Variants in B4GALT2 observed in about 807,000 individuals in gnomAD.
The protein encoded by B4GALT2 is N-acetyllactosamine synthase.
B4GALT2 carries 18 observed loss-of-function variants against 33.2 expected under a neutral mutation model. The ratio of observed to expected loss-of-function variants is 0.54; its 90% CI spans 0.38 to 0.80. The LOEUF (loss-of-function observed/expected upper bound fraction) is 0.80, where lower values mean the gene tolerates loss of function less well. B4GALT2 is among the 30% of genes least tolerant of loss of function. The probability of loss-of-function intolerance (pLI) is 0.00; values close to 1 mark genes in which losing one functional copy is unlikely to be tolerated. For missense variants in B4GALT2, 404 were observed against 526.2 expected, an observed-to-expected ratio of 0.77 and a Z score of 2.27; for synonymous variants, 214 against 217.6, an observed-to-expected ratio of 0.98 and a Z score of 0.15.
intron 6 of B4GALT2, among the ~76,000 whole-genome samples, chr1:43,987,669 T>TA (rs1358765798): frequency 6.6e-6 from 1 of 152,222 alleles, no homozygotes; most frequent in Non-Finnish European, 1.5e-5. Flanking sequence ...TTTCCCTGTT[T>TA]ATGGCTTGGC....
At chr1:43,986,008 G>A (rs2085655426) in intron 6 of B4GALT2, 1 of 266,398 alleles carries the variant, frequency 3.8e-6, no homozygotes, top group Non-Finnish European at 7.4e-6. Flanking sequence ...CGAGCTAATG[G>A]GTGCTGGGCA....
rs76827959 is a variant in B4GALT2, at chr1:43,989,062, A to T, written c.969-1236A>T. Reference sequence around the variant, plus strand: ...GTGGTGTTAACTTAAAAATCACTAGATCAGCTGGATGAGGTGGCTCATGCC... The same window carrying T: ...GTGGTGTTAACTTAAAAATCACTAGTTCAGCTGGATGAGGTGGCTCATGCC... On this transcript the variant is annotated intron_variant, in intron 6 of 6. Coordinates refer to ENST00000372324, the MANE Select transcript of B4GALT2 (RefSeq NM_003780.5). 8.6e-3 allele frequency among the ~76,000 whole-genome samples: 1,315 copies of T among 152,162 alleles called. 19 individuals carry two copies. The highest frequency in any genetic ancestry group is 0.03 in the African/African-American group (1,261 of 41,518).
chr1:43,983,702 G>A (rs2085625743), intron 3 of B4GALT2, among the ~76,000 whole-genome samples: 1 of 152,230 alleles, frequency 6.6e-6, no homozygotes, highest in Admixed American at 6.5e-5. Flanking sequence ...TCAGTTGGGA[G>A]AGGATTGAGC....
intron 3 of B4GALT2, among the ~76,000 whole-genome samples, chr1:43,983,315 C>T (rs1189190206): frequency 6.6e-6 from 1 of 152,134 alleles, no homozygotes; most frequent in Non-Finnish European, 1.5e-5. Flanking sequence ...GCCAGCACTT[C>T]AGGGATGGAG....
At chr1:43,989,986 C>G (rs1038611927) in intron 6 of B4GALT2, among the ~76,000 whole-genome samples, 1 of 152,200 alleles carries the variant, frequency 6.6e-6, no homozygotes, top group African/African-American at 2.4e-5. Context: ...AAGACTTAAC[C>G]CTTGCCTGGC....
chr1:43,987,478 C>T (rs181443579), intron 6 of B4GALT2, among the ~76,000 whole-genome samples: 1 of 152,232 alleles, frequency 6.6e-6, no homozygotes, highest in Non-Finnish European at 1.5e-5. Flanking sequence ...GTTGCTGTTG[C>T]CTAAAATCTG....
rs776479895 is a variant in B4GALT2 at position 43,981,180 on chromosome 1, G to T, written c.20G>T (p.Gly7Val). 2 of 1,600,186 alleles carry T rather than the reference G, an allele frequency of 1.2e-6. No homozygotes were observed. The highest frequency in any genetic ancestry group is 2.2e-5 in the East Asian group (1 of 44,870). Residue 7 changes from glycine (G) to valine (V), a missense_variant, in exon 2 of 7, where the codon GGG becomes GTG. By Grantham distance (109) the Gly-to-Val change is moderately radical. Transcript: ENST00000372324. The surrounding 1 kb of genome is among the most constrained non-coding windows in gnomAD (Gnocchi z 8.1). MSRLLG[G>V]TLERVCKAVL... ...TGCGGGATGAGCAGACTGCTGGGGG[G>T]GACGCTGGAGCGCGTCTGCAAGGCT...
rs1026970776 is a variant in B4GALT2 at position 43,982,228 on chromosome 1, G to A, written c.549+304G>A. Among the ~76,000 whole-genome samples, 2 of 152,180 alleles carry A rather than the reference G, an allele frequency of 1.3e-5. No homozygotes were observed. The highest frequency in any genetic ancestry group is 4.8e-5 in the African/African-American group (2 of 41,446). ...AGATGTTGAGGGCCCTGAGGAGAGG[G>A]AGTTAGACCCTGAAAGAAGGATGAA... On this transcript the variant is annotated intron_variant, in intron 3 of 6. Coordinates refer to ENST00000372324, the MANE Select transcript of B4GALT2 (RefSeq NM_003780.5). This position sits in a 1 kb window ranked among gnomAD's most constrained non-coding sequence, Gnocchi z 4.3.
chr1:43,986,336 A>T (rs2085659209), intron 6 of B4GALT2: 1 of 152,328 alleles, frequency 6.6e-6, no homozygotes, highest in African/African-American at 2.4e-5. Flanking sequence ...GCACAAGGTC[A>T]TCAAGGCAAG....
At chr1:43,983,135 A>C (rs1466638178) in intron 3 of B4GALT2, among the ~76,000 whole-genome samples, 2 of 152,100 alleles carry the variant, frequency 1.3e-5, no homozygotes, top group Non-Finnish European at 2.9e-5. Context: ...GATGAGTTTG[A>C]GCGCCTGTGG....
At position 43,985,262 on chromosome 1, in the gene B4GALT2, C is replaced by T; in HGVS notation, c.741-16C>T. 6.2e-7 allele frequency: 1 copy of T among 1,604,922 alleles called. No individual in the cohort carries two copies. The highest frequency in any genetic ancestry group is 8.5e-7 in the Non-Finnish European group (1 of 1,174,676). ...CCCTTGGGACCCTTACTGACACCTG[C>T]CTTCCCATGCCACAGGCTTCCCTAT... On this transcript the variant is annotated splice_polypyrimidine_tract_variant and intron_variant, in intron 4 of 6. Transcript: ENST00000372324.
At position 43,984,995 on chromosome 1, in the gene B4GALT2, T is replaced by C; in HGVS notation, c.680T>C (p.Leu227Pro). 3 of 1,613,580 alleles carry C rather than the reference T, an allele frequency of 1.9e-6. No homozygotes were observed. Among genetic ancestry groups the C allele is most frequent in the Non-Finnish European group, 2.5e-6 (3 of 1,179,972 alleles). Residue 227 changes from leucine (L) to proline (P), a missense_variant, in exon 4 of 7, where the codon CTA becomes CCA. By Grantham distance (98) the Leu-to-Pro change is moderately conservative. Transcript: ENST00000372324. The surrounding 1 kb of genome is among the most constrained non-coding windows in gnomAD (Gnocchi z 5.6). ...CTGGTCCCCATGGATGACCGCAACC[T>C]ATACCGCTGCGGCGACCAACCCCGC... ...VDLVPMDDRN[L>P]YRCGDQPRHF...
At chr1:43,986,945 G>A (rs1442932661) in intron 6 of B4GALT2, among the ~76,000 whole-genome samples, 1 of 152,192 alleles carries the variant, frequency 6.6e-6, no homozygotes, top group Non-Finnish European at 1.5e-5. Context: ...GCTTGAGCAG[G>A]AGGGTTTTTC....
intron 6 of B4GALT2, among the ~76,000 whole-genome samples, chr1:43,988,356 C>CAAAAAAAAAAA (rs59935883): frequency 1.4e-5 from 1 of 73,726 alleles, no homozygotes. Context: ...ACCAAAAATA[C>CAAAAAAAAAAA]AAAAAAAAAA....
In B4GALT2 at chr1:43,984,977, C is replaced by T; in HGVS notation, c.662C>T (p.Pro221Leu). ...ATCTTCAGCGATGTGGACCTGGTCCCCATGGATGACCGCAACCTATACCGC... is the reference window on the plus strand; with the variant it reads ...ATCTTCAGCGATGTGGACCTGGTCCTCATGGATGACCGCAACCTATACCGC... Reference protein sequence around the residue: ...CFIFSDVDLVPMDDRNLYRCG... With the variant: ...CFIFSDVDLVLMDDRNLYRCG... Residue 221 changes from proline (P) to leucine (L), a missense_variant, in exon 4 of 7, where the codon CCC becomes CTC. Transcript: ENST00000372324. The surrounding 1 kb of genome is among the most constrained non-coding windows in gnomAD (Gnocchi z 5.6). 3 of 1,613,964 alleles carry T rather than the reference C, an allele frequency of 1.9e-6. No homozygotes were observed. Among genetic ancestry groups the T allele is most frequent in the Non-Finnish European group, 2.5e-6 (3 of 1,180,016 alleles).
At chr1:43,987,377 T>C (rs113964871) in intron 6 of B4GALT2, among the ~76,000 whole-genome samples, 105 of 152,268 alleles carry the variant, frequency 6.9e-4, no homozygotes, top group African/African-American at 2.5e-3. Context: ...AGGAAGCCCT[T>C]GTTTACATTT....
rs1442185168 is a variant in B4GALT2 at position 43,979,999 on chromosome 1, A to T, written c.-53+488A>T. ...CGTGGGTCTGGGTGTGAGCTGTCTGAGAGTCTGGATGTATGGCTGTGGAAG... is the reference window on the plus strand; with the variant it reads ...CGTGGGTCTGGGTGTGAGCTGTCTGTGAGTCTGGATGTATGGCTGTGGAAG... On this transcript the variant is annotated intron_variant, in intron 1 of 6. Transcript: ENST00000372324. The surrounding 1 kb of genome is among the most constrained non-coding windows in gnomAD (Gnocchi z 4.8). 6.6e-7 allele frequency: 1 copy of T among 1,524,524 alleles called. No individual in the cohort carries two copies. Among genetic ancestry groups the T allele is most frequent in the Non-Finnish European group, 8.8e-7 (1 of 1,141,374 alleles). The allele number at this position is 1,524,524 out of a possible 1,614,324, so 94.4% of individuals were successfully genotyped here.
rs758843966 is a variant in B4GALT2 at position 43,984,139 on chromosome 1, C to T, written c.550-726C>T. ...TGCAGCCCCAATTCTCAGGGGACCC[C>T]AGGCTTGCTGGGCTGTGACTGCCTA... On this transcript the variant is annotated intron_variant, in intron 3 of 6. Coordinates refer to ENST00000372324, the MANE Select transcript of B4GALT2 (RefSeq NM_003780.5). This position sits in a 1 kb window ranked among gnomAD's most constrained non-coding sequence, Gnocchi z 5.6. 3.9e-5 allele frequency among the ~76,000 whole-genome samples: 6 copies of T among 152,210 alleles called. No homozygotes were observed. Among genetic ancestry groups the T allele is most frequent in the Non-Finnish European group, 7.4e-5 (5 of 68,020 alleles).
Position 43,985,364 on chromosome 1 carries a change from G to A in B4GALT2, c.827G>A (p.Trp276Ter). Residue 276 changes from tryptophan (W) to a stop codon, truncating the protein, a stop_gained, in exon 5 of 7, where the codon TGG becomes TAG. Coordinates refer to ENST00000372324, the MANE Select transcript of B4GALT2 (RefSeq NM_003780.5). LOFTEE classifies it high-confidence loss of function. ...ATCAATGGCTTCCCCAATGAGTACT[G>A]GGGCTGGGGTGGCGAGGATGATGAC... ...LRINGFPNEYWGWGGEDDDIF... is the reference protein window; with the variant it reads ...LRINGFPNEY 6.2e-7 allele frequency: 1 copy of A among 1,612,588 alleles called. No individual in the cohort carries two copies. The highest frequency in any genetic ancestry group is 8.5e-7 in the Non-Finnish European group (1 of 1,179,418).
Sources: gnomAD v4.1 joint callset for allele counts (sites outside exome capture counted in the v4.1 genomes callset) on GRCh38, gnomAD v4.1.1 for gene constraint, Gnocchi (gnomAD v3.1) non-coding constraint, MANE v1.5 for transcripts, NCBI Gene and HGNC (gene_info 2026-07-23, HGNC 2026-07-21) for gene names.